PSTPIP1: variants seen among roughly 807,000 people sequenced by gnomAD.
PSTPIP1 encodes the protein proline-serine-threonine phosphatase-interacting protein 1.
A neutral mutation model predicts 69.6 loss-of-function variants in PSTPIP1; 66 were observed. The observed-to-expected ratio is 0.95, with a 90% CI of 0.78 to 1.16. PSTPIP1 has a LOEUF of 1.16. PSTPIP1 is among the 50% of genes most tolerant of loss of function. The pLI is 0.00. For missense variants in PSTPIP1, 603 were observed against 557.4 expected (o/e 1.08, Z -0.82); for synonymous variants, 266 against 222.7 (o/e 1.19, Z -1.73).
Position 76,995,399 on chromosome 15 carries a change from C to T in PSTPIP1, c.-175C>T. The T allele has an allele frequency of 6.9e-7, 1 of 1,458,848 alleles. No homozygotes were observed. The highest frequency in any genetic ancestry group is 1.4e-5 in the South Asian group (1 of 70,758). The allele number at this position is 1,458,848 out of a possible 1,614,324, so 90.4% of individuals were successfully genotyped here. ...CAAAACAGGTTGAGCTTTTTCCTCC[C>T]CTCAGAAGCTCCTCTCTGGCTCGTG... On this transcript the variant is annotated 5_prime_UTR_variant, in exon 1 of 15. Coordinates refer to ENST00000558012, the MANE Select transcript of PSTPIP1 (RefSeq NM_003978.5).
chr15:77,033,712 A>G (rs888014845), intron 12 of PSTPIP1, among the ~76,000 whole-genome samples: 36 of 152,086 alleles, frequency 2.4e-4, no homozygotes, highest in Admixed American at 1.7e-3. Flanking sequence ...AGGCTGATGC[A>G]GTTCCCGGCC....
At chr15:77,008,934 T>C (rs576317993) in intron 1 of PSTPIP1, among the ~76,000 whole-genome samples, 2 of 152,338 alleles carry the variant, frequency 1.3e-5, no homozygotes, top group African/African-American at 4.8e-5. Context: ...TAGAAGCCTT[T>C]ACTTGGCAGG....
chr15:77,021,788 T>A (rs879266242), intron 3 of PSTPIP1, among the ~76,000 whole-genome samples: 1 of 152,224 alleles, frequency 6.6e-6, no homozygotes, highest in Non-Finnish European at 1.5e-5. Flanking sequence ...CTCTGGGCCT[T>A]TGCTCCTGCT....
intron 14 of PSTPIP1, 80 bp from the exon 15 acceptor site, chr15:77,036,965 T>G: frequency 1.3e-6 from 2 of 1,546,448 alleles, no homozygotes; most frequent in South Asian, 1.2e-5. Context: ...TACTGCTGGG[T>G]GGGGGAACGC....
At chr15:77,021,043 C>T (rs564503175) in intron 3 of PSTPIP1, among the ~76,000 whole-genome samples, 3 of 152,300 alleles carry the variant, frequency 2.0e-5, no homozygotes, top group South Asian at 2.1e-4. Flanking sequence ...CCTTGCAGAA[C>T]GGGCAGGGGA....
chr15:77,000,070 G>A (rs2075665216), intron 1 of PSTPIP1, among the ~76,000 whole-genome samples: 1 of 152,184 alleles, frequency 6.6e-6, no homozygotes, highest in South Asian at 2.1e-4. Context: ...TTGACATGTG[G>A]GTGTATCTCT....
At chr15:77,033,554 C>T (rs1476400236) in intron 12 of PSTPIP1, among the ~76,000 whole-genome samples, 1 of 152,150 alleles carries the variant, frequency 6.6e-6, no homozygotes, top group Non-Finnish European at 1.5e-5. Context: ...CGTAGCCAGG[C>T]CTTTGAGGGA....
intron 1 of PSTPIP1, among the ~76,000 whole-genome samples, chr15:77,005,366 A>G (rs1367765952): frequency 6.6e-6 from 1 of 152,240 alleles, no homozygotes; most frequent in Non-Finnish European, 1.5e-5. Flanking sequence ...AGCCTGGGCA[A>G]CAAGAGCAAA....
chr15:77,019,322 A>G lies in PSTPIP1; in HGVS notation c.212+791A>G, dbSNP rs541478908. ...GGGGCAGACAGACCACCGGCCTCCA[A>G]CTTCTTGAAAGGGCTCTGCAGAGTC... is the stretch of plus-strand genomic sequence containing the variant. On this transcript the variant is annotated intron_variant, in intron 3 of 14. Transcript: ENST00000558012. Among the ~76,000 whole-genome samples, 36 of 152,312 alleles carry G rather than the reference A, an allele frequency of 2.4e-4. No individual in the cohort carries two copies. In the East Asian group the frequency reaches 5.2e-3, roughly 22 times the overall value.
intron 1 of PSTPIP1, among the ~76,000 whole-genome samples, chr15:77,009,885 G>T (rs1001108028): frequency 2.0e-5 from 3 of 152,204 alleles, no homozygotes; most frequent in Admixed American, 6.5e-5. Flanking sequence ...TAGGTGGTGT[G>T]GGAGGGCAAT....
At chr15:77,035,036 G>T (rs949693767) in intron 12 of PSTPIP1, among the ~76,000 whole-genome samples, 2 of 152,214 alleles carry the variant, frequency 1.3e-5, no homozygotes, top group African/African-American at 4.8e-5. Context: ...AGCAGGGCAC[G>T]TGAGCCAGGC....
At chr15:77,017,377 G>A (rs1375869935) in intron 1 of PSTPIP1, among the ~76,000 whole-genome samples, 1 of 152,208 alleles carries the variant, frequency 6.6e-6, no homozygotes, top group Non-Finnish European at 1.5e-5. Context: ...GGGCAAGCAG[G>A]GCAAGTGCCA....
At chr15:77,025,635 C>A in intron 5 of PSTPIP1, 31 bp downstream of exon 5, 1 of 1,516,464 alleles carries the variant, frequency 6.6e-7, no homozygotes, top group South Asian at 1.2e-5. Flanking sequence ...GGGGGAGCTG[C>A]TCCCCCATTG....
rs375063664 is a variant in PSTPIP1, at chr15:77,018,503, C to A, written c.184C>A (p.Arg62=). ...CGGGAAGGAGCTGGTGCAGATCGCA[C>A]GGAAGGCAGGTGGCCAGACGGAGAT... ...RYGKELVQIA[R]KAGGQTEINS... Residue 62 remains arginine, a synonymous_variant, in exon 3 of 15, where the codon CGG becomes AGG. Transcript: ENST00000558012. 2 of 1,580,320 alleles carry A rather than the reference C, an allele frequency of 1.3e-6. No individual in the cohort carries two copies. The highest frequency in any genetic ancestry group is 1.3e-5 in the African/African-American group (1 of 74,428).
chr15:76,994,812 C>T (rs997027588), upstream of PSTPIP1: 3 of 1,289,014 alleles, frequency 2.3e-6, no homozygotes, highest in Middle Eastern at 4.2e-4. Context: ...TGCCCTAGAC[C>T]TGGGTAAGCC....
intron 12 of PSTPIP1, among the ~76,000 whole-genome samples, chr15:77,034,404 T>C (rs1354585123): frequency 6.6e-6 from 1 of 151,988 alleles, no homozygotes; most frequent in African/African-American, 2.4e-5. Flanking sequence ...CGCATGTGTG[T>C]GCACTCCTGG....
In PSTPIP1 at chr15:77,027,001, C is replaced by T. The variant is rs949613184; in HGVS notation, c.355-851C>T. Among the ~76,000 whole-genome samples, 2 of 152,180 alleles carry T rather than the reference C, an allele frequency of 1.3e-5. No homozygotes were observed. Among genetic ancestry groups the T allele is most frequent in the African/African-American group, 2.4e-5 (1 of 41,448 alleles). ...GTGTCTGAGCCTGTGTGTGTATGTG[C>T]GTGTGCCACAGAGCAAGGACATGTG... On this transcript the variant is annotated intron_variant, in intron 5 of 14. Coordinates refer to ENST00000558012, the MANE Select transcript of PSTPIP1 (RefSeq NM_003978.5). This position sits in a 1 kb window ranked among gnomAD's most constrained non-coding sequence, Gnocchi z 4.3.
intron 1 of PSTPIP1, among the ~76,000 whole-genome samples, chr15:77,015,411 G>T (rs17465755): frequency 0.13 from 20,034 of 152,106 alleles, 1,613 homozygotes; most frequent in South Asian, 0.23. Context: ...TGGTCAGGAA[G>T]ATAACGCTAT....
chr15:77,012,125 CCA>C (rs2152673423), intron 1 of PSTPIP1, among the ~76,000 whole-genome samples: 1 of 107,188 alleles, frequency 9.3e-6, no homozygotes, highest in South Asian at 3.6e-4. Context: ...ATCCATCCAT[CCA>C]TCCATCCATC....
Sources: allele counts gnomAD v4.1 joint callset (sites outside exome capture counted in the v4.1 genomes callset), GRCh38; gene constraint gnomAD v4.1.1; non-coding constraint Gnocchi (gnomAD v3.1); transcripts MANE v1.5; gene names NCBI Gene and HGNC (gene_info 2026-07-23, HGNC 2026-07-21).